Variants in AGMO observed in about 807,000 individuals in gnomAD.
AGMO encodes the protein alkylglycerol monooxygenase.
In AGMO, 75 loss-of-function variants were observed where a neutral mutation model predicts 60.2. The observed-to-expected ratio is 1.25, with a 90% confidence interval of 1.03 to 1.51. The LOEUF is 1.51. Among genes scored for constraint, AGMO ranks in the 40% most tolerant of loss-of-function variants. The pLI, the probability that AGMO is intolerant of heterozygous loss-of-function variation, is 0.00. For synonymous variants in AGMO, 261 were observed against 177.1 expected (o/e 1.47, Z -3.76); for missense variants, 763 against 525.5 (o/e 1.45, Z -4.42).
chr7:15,360,851 C>T (rs10230926), intron 12 of AGMO, among the ~76,000 whole-genome samples: 84,298 of 151,990 alleles, frequency 0.55, 24,565 homozygotes, highest in African/African-American at 0.76. Flanking sequence ...AGAGTACGTA[C>T]GCATGCCCTC....
At chr7:15,454,357 CCACACACA>C (rs71004380) in intron 3 of AGMO, among the ~76,000 whole-genome samples, 1 of 149,134 alleles carries the variant, frequency 6.7e-6, no homozygotes, top group African/African-American at 2.5e-5. Flanking sequence ...AGTGTTCTCA[CCACACACA>C]CACACACACA....
intron 2 of AGMO, among the ~76,000 whole-genome samples, chr7:15,552,473 A>G (rs1784992894): frequency 6.6e-6 from 1 of 151,030 alleles, no homozygotes; most frequent in Non-Finnish European, 1.5e-5. Flanking sequence ...CAAATTTACA[A>G]GAAAAAAACA....
intron 3 of AGMO, among the ~76,000 whole-genome samples, chr7:15,533,485 A>G (rs1784416941): frequency 6.6e-6 from 1 of 152,148 alleles, no homozygotes; most frequent in Non-Finnish European, 1.5e-5. Context: ...TGATTTATAT[A>G]TCACTGCCTC....
At position 15,418,550 on chromosome 7, in the gene AGMO, A is replaced by AC. The variant is rs761602026; in HGVS notation, c.609+7_609+8insG. ...TATAAAACTTACAAAGATAAAAAAA[A>AC]GTTTTACCTCTGTATGGATCCAAAA... On this transcript the variant is annotated splice_region_variant and intron_variant, in intron 5 of 12. Transcript: ENST00000342526. 1 of 1,545,440 alleles carries AC rather than the reference A, an allele frequency of 6.5e-7. No homozygotes were observed.
the AGMO span, among the ~76,000 whole-genome samples, chr7:15,194,127 GTAT>G: frequency 1.3e-5 from 2 of 152,000 alleles, no homozygotes; most frequent in Non-Finnish European, 2.9e-5. Context: ...TTTATTTTCA[GTAT>G]TAAACTTTTT....
chr7:15,376,278 C>T (rs537023285), intron 10 of AGMO, among the ~76,000 whole-genome samples: 11 of 151,952 alleles, frequency 7.2e-5, no homozygotes, highest in African/African-American at 2.2e-4. Flanking sequence ...AAACAGTATA[C>T]CCTGGACATT....
At chr7:15,299,830 T>TACACACACACACACACACACACAC (rs756832586) in intron 12 of AGMO, among the ~76,000 whole-genome samples, 2 of 48,196 alleles carry the variant, frequency 4.1e-5, no homozygotes, top group African/African-American at 2.9e-4. Flanking sequence ...TCTGTCTACA[T>TACACACACACACACACACACACAC]ACACACACAC....
chr7:15,289,117 C>CA (rs976061346), intron 12 of AGMO, among the ~76,000 whole-genome samples: 50 of 150,668 alleles, frequency 3.3e-4, no homozygotes, highest in African/African-American at 8.7e-4. Flanking sequence ...TTCTTATTTA[C>CA]AAAAAAAAAT....
chr7:15,401,954 A>G (rs1784561895), intron 5 of AGMO, among the ~76,000 whole-genome samples: 1 of 152,070 alleles, frequency 6.6e-6, no homozygotes, highest in Non-Finnish European at 1.5e-5. Context: ...TTTTCGTTAC[A>G]GCGTCATGCA....
chr7:15,450,286 G>A (rs1361038744), intron 3 of AGMO, among the ~76,000 whole-genome samples: 3 of 151,954 alleles, frequency 2.0e-5, no homozygotes, highest in African/African-American at 7.2e-5. Context: ...CAGGCATGGT[G>A]GCGGGCGCAT....
chr7:15,410,526 T>A (rs957931805), intron 5 of AGMO, among the ~76,000 whole-genome samples: 1 of 151,908 alleles, frequency 6.6e-6, no homozygotes, highest in Non-Finnish European at 1.5e-5. Context: ...CATTTATTCA[T>A]ATTAATAATT....
At chr7:15,293,476 G>T (rs551763639) in intron 12 of AGMO, among the ~76,000 whole-genome samples, 13 of 152,038 alleles carry the variant, frequency 8.6e-5, no homozygotes, top group Non-Finnish European at 1.8e-4. Flanking sequence ...CTCTGCATGC[G>T]TAATCCTAGT....
chr7:15,314,912 A>G (rs1780870686), intron 12 of AGMO, among the ~76,000 whole-genome samples: 1 of 152,198 alleles, frequency 6.6e-6, no homozygotes, highest in Non-Finnish European at 1.5e-5. Flanking sequence ...AGAGATTACA[A>G]AAGTGAGAAG....
intron 3 of AGMO, among the ~76,000 whole-genome samples, chr7:15,447,482 G>C (rs1457432414): frequency 2.6e-5 from 4 of 152,178 alleles, no homozygotes; most frequent in Non-Finnish European, 5.9e-5. Flanking sequence ...TGCTATTATA[G>C]AAGCAAGACA....
chr7:15,161,765 T>C, the AGMO span, among the ~76,000 whole-genome samples: 1 of 151,944 alleles, frequency 6.6e-6, no homozygotes, highest in Non-Finnish European at 1.5e-5. Context: ...GCACACCCTA[T>C]TGGTTCTGTT....
chr7:15,484,164 GC>G (rs1290975723), intron 3 of AGMO, among the ~76,000 whole-genome samples: 1 of 151,998 alleles, frequency 6.6e-6, no homozygotes, highest in Non-Finnish European at 1.5e-5. Context: ...CATTGCAAAA[GC>G]CCTTGAAGAT....
chr7:15,122,844 T>C, the AGMO span, among the ~76,000 whole-genome samples: 13 of 152,114 alleles, frequency 8.5e-5, no homozygotes, highest in African/African-American at 2.9e-4. Context: ...GATTTCTATA[T>C]TCTGCTTTAA....
chr7:15,419,558 TCA>T (rs1328195984), intron 4 of AGMO, among the ~76,000 whole-genome samples: 5 of 152,052 alleles, frequency 3.3e-5, no homozygotes, highest in African/African-American at 1.2e-4. Flanking sequence ...TGACATGTTC[TCA>T]GTTATGCAAA....
At chr7:15,391,291 A>G (rs1265818159) in intron 6 of AGMO, among the ~76,000 whole-genome samples, 1 of 152,066 alleles carries the variant, frequency 6.6e-6, no homozygotes, top group Non-Finnish European at 1.5e-5. Context: ...TTTTATTTTA[A>G]ATTTTTGATG....
Sources: gnomAD v4.1 joint callset for allele counts (sites outside exome capture counted in the v4.1 genomes callset) on GRCh38, gnomAD v4.1.1 for gene constraint, MANE v1.5 for transcripts, NCBI Gene and HGNC (gene_info 2026-07-23, HGNC 2026-07-21) for gene names.